Variants in PAX5 observed in about 807,000 individuals in gnomAD.
PAX5 encodes the protein paired box protein Pax-5.
Under a neutral mutation model 43.7 loss-of-function variants are expected in PAX5, and 9 were observed. The ratio of observed to expected loss-of-function variants is 0.21; its 90% confidence interval spans 0.12 to 0.36. The LOEUF is 0.36. PAX5 is among the 10% of genes least tolerant of loss of function. The probability of loss-of-function intolerance (pLI) is 1.00; values close to 1 mark genes in which losing one functional copy is unlikely to be tolerated. For missense variants in PAX5, 383 were observed against 532.7 expected, an observed-to-expected ratio of 0.72 and a Z score of 2.77; for synonymous variants, 228 against 214.3, an observed-to-expected ratio of 1.06 and a Z score of -0.56.
At chr9:36,841,331 T>G (rs1002875800) in intron 9 of PAX5, among the ~76,000 whole-genome samples, 25 of 152,228 alleles carry the variant, frequency 1.6e-4, no homozygotes, top group African/African-American at 6.0e-4. Context: ...GTAGGCACAG[T>G]TTAGCTCATG....
intron 9 of PAX5, among the ~76,000 whole-genome samples, chr9:36,844,983 T>G (rs2131584476): frequency 6.6e-6 from 1 of 152,220 alleles, no homozygotes; most frequent in South Asian, 2.1e-4. Flanking sequence ...CTTGTAAAAA[T>G]GAGAAAAATG....
intron 5 of PAX5, among the ~76,000 whole-genome samples, chr9:36,982,173 A>G (rs1188955752): frequency 6.6e-6 from 1 of 152,230 alleles, no homozygotes; most frequent in African/African-American, 2.4e-5. Flanking sequence ...CTGAGGCAGG[A>G]GAATCGCTTG....
At chr9:36,950,453 A>G (rs1832900619) in intron 6 of PAX5, among the ~76,000 whole-genome samples, 1 of 152,190 alleles carries the variant, frequency 6.6e-6, no homozygotes, top group Admixed American at 6.5e-5. Context: ...ACCTCTTCCA[A>G]GCCCCAATCT....
intron 7 of PAX5, among the ~76,000 whole-genome samples, chr9:36,916,659 A>G (rs1034581143): frequency 6.6e-6 from 1 of 151,964 alleles, no homozygotes; most frequent in Admixed American, 6.5e-5. Flanking sequence ...ATTTATAGTT[A>G]TAGTTAGTGG....
rs1174413267 is a variant in PAX5, at chr9:36,838,824, C to A, written c.*1736G>T. The A allele has an allele frequency of 4.3e-6, 1 of 233,186 alleles. No homozygotes were observed. Among genetic ancestry groups the A allele is most frequent in the African/African-American group, 2.2e-5 (1 of 45,350 alleles). The allele number at this position is 233,186 out of a possible 1,614,324, so 14.4% of individuals were successfully genotyped here. On this transcript the variant is annotated 3_prime_UTR_variant, in exon 10 of 10. Transcript: ENST00000358127. ...AGATGACCCTGCTGCACCAAGGCAG[C>A]CAAGGCTCAAAGAGGTGCAGGGTTT...
intron 9 of PAX5, among the ~76,000 whole-genome samples, chr9:36,844,946 T>C (rs950094293): frequency 5.9e-5 from 9 of 152,194 alleles, no homozygotes; most frequent in Non-Finnish European, 1.2e-4. Flanking sequence ...GGCAAATAAA[T>C]GACAGCCACT....
intron 6 of PAX5, among the ~76,000 whole-genome samples, chr9:36,955,533 GC>G (rs1230765002): frequency 6.6e-6 from 1 of 151,894 alleles, no homozygotes; most frequent in Non-Finnish European, 1.5e-5. Flanking sequence ...GGAATGTGCA[GC>G]CCTTCCAGGT....
At chr9:36,861,656 G>T (rs2131649254) in intron 8 of PAX5, among the ~76,000 whole-genome samples, 1 of 152,100 alleles carries the variant, frequency 6.6e-6, no homozygotes, top group East Asian at 1.9e-4. Flanking sequence ...AAGTGCAAAG[G>T]CCCTGGGGCA....
chr9:36,965,057 C>T (rs78047303), intron 6 of PAX5, among the ~76,000 whole-genome samples: 1 of 152,044 alleles, frequency 6.6e-6, no homozygotes, highest in Non-Finnish European at 1.5e-5. Flanking sequence ...TTCCCTCCAC[C>T]CCCACACCCC....
chr9:36,968,053 A>C (rs2132203957), intron 5 of PAX5, among the ~76,000 whole-genome samples: 1 of 152,354 alleles, frequency 6.6e-6, no homozygotes, highest in South Asian at 2.1e-4. Context: ...GGGGTACATC[A>C]TTCCCCGGGG....
chr9:36,836,170 G>T lies in PAX5; in HGVS notation c.*4390C>A. 4.3e-6 allele frequency: 1 copy of T among 233,508 alleles called. No homozygotes were observed. Among genetic ancestry groups the T allele is most frequent in the Non-Finnish European group, 8.5e-6 (1 of 118,230 alleles). The allele number at this position is 233,508 out of a possible 1,614,324, so 14.5% of individuals were successfully genotyped here. The stretch of plus-strand genomic sequence containing the variant: ...AGTCTCTTCCCTGCACATGTGAAAG[G>T]TGCCCAAGCAGCACTGACCTCCCCT... On this transcript the variant is annotated 3_prime_UTR_variant, in exon 10 of 10. Transcript: ENST00000358127.
At chr9:37,002,482 C>G (rs1431588012) in intron 5 of PAX5, among the ~76,000 whole-genome samples, 166 bp downstream of exon 5, 1 of 152,244 alleles carries the variant, frequency 6.6e-6, no homozygotes, top group Non-Finnish European at 1.5e-5. Context: ...GCGGAGGGCT[C>G]AGCCCTTTCC....
In PAX5 at chr9:36,839,632, G is replaced by C. The variant is rs1449481646; in HGVS notation, c.*928C>G. The C allele has an allele frequency of 4.3e-6, 1 of 233,354 alleles. No individual in the cohort carries two copies. The highest frequency in any genetic ancestry group is 6.0e-5 in the East Asian group (1 of 16,586). 14.5% of individuals were successfully genotyped at this position (233,354 alleles called of 1,614,324 possible). ...CATGCCTCAGAAAACACCGTTCCAG[G>C]GGCTGAGGGAGTAGGGAGAGCCTCA... is the stretch of plus-strand genomic sequence containing the variant. On this transcript the variant is annotated 3_prime_UTR_variant, in exon 10 of 10. Transcript: ENST00000358127.
intron 1 of PAX5, among the ~76,000 whole-genome samples, chr9:37,025,393 T>C (rs1751579363): frequency 6.7e-6 from 1 of 149,936 alleles, no homozygotes; most frequent in Admixed American, 6.6e-5. Context: ...GACCTGCGGC[T>C]AGGAAAGCTG....
rs185723615 is a variant in PAX5 at position 36,928,036 on chromosome 9, T to C, written c.781-4552A>G. 3.7e-3 allele frequency among the ~76,000 whole-genome samples: 567 copies of C among 152,344 alleles called. 5 individuals carry two copies. The highest frequency in any genetic ancestry group is 4.9e-3 in the Non-Finnish European group (336 of 68,022). Reference sequence around the variant, plus strand: ...TCTGGGCCTTTCACCATAACCACCTTGCAGGGCTTGCCCAGAGCCCAGCCT... The same window carrying C: ...TCTGGGCCTTTCACCATAACCACCTCGCAGGGCTTGCCCAGAGCCCAGCCT... On this transcript the variant is annotated intron_variant, in intron 6 of 9. Transcript: ENST00000358127.
At chr9:36,876,075 G>A (rs1825886242) in intron 8 of PAX5, among the ~76,000 whole-genome samples, 2 of 152,236 alleles carry the variant, frequency 1.3e-5, no homozygotes, top group Admixed American at 6.5e-5. Context: ...GCTGGGCAAC[G>A]AGCAGAGAGG....
At chr9:36,983,419 G>A (rs1308830277) in intron 5 of PAX5, among the ~76,000 whole-genome samples, 8 of 152,182 alleles carry the variant, frequency 5.3e-5, no homozygotes, top group Admixed American at 4.6e-4. Context: ...AGTCATGTCT[G>A]AGCATTTACA....
intron 5 of PAX5, among the ~76,000 whole-genome samples, chr9:36,975,693 CTTCT>C (rs916817254): frequency 2.6e-5 from 4 of 152,146 alleles, no homozygotes; most frequent in Admixed American, 2.6e-4. Context: ...CCTTGAGCAA[CTTCT>C]TTAACTGCTC....
chr9:36,850,104 A>C (rs1435154900), intron 8 of PAX5, among the ~76,000 whole-genome samples: 2 of 152,200 alleles, frequency 1.3e-5, no homozygotes, highest in Non-Finnish European at 1.5e-5. Context: ...TTCCAGGCAC[A>C]AGCAAAGGCC....
Sources: allele counts gnomAD v4.1 joint callset (sites outside exome capture counted in the v4.1 genomes callset), GRCh38; gene constraint gnomAD v4.1.1; transcripts MANE v1.5; gene names NCBI Gene and HGNC (gene_info 2026-07-23, HGNC 2026-07-21).